The following HUWE1 variants were observed in gnomAD, a reference collection of about 807,000 sequenced individuals.
HUWE1 encodes the protein HECT, UBA and WWE domain containing E3 ubiquitin protein ligase 1.
Under a neutral mutation model 299.4 loss-of-function variants are expected in HUWE1, and 18 were observed. The observed-to-expected ratio is 0.06, with a 90% CI of 0.04 to 0.09. HUWE1 has a LOEUF of 0.09. Among genes scored for constraint, HUWE1 ranks in the 10% least tolerant of loss-of-function variants. The pLI is 1.00. For synonymous variants in HUWE1, 1,317 were observed against 1,286.1 expected, an observed-to-expected ratio of 1.02 and a Z score of -0.51; for missense variants, 1,832 against 3,462.3, an observed-to-expected ratio of 0.53 and a Z score of 11.82.
Position 53,576,960 on chromosome X carries a change from T to G in HUWE1, c.5824A>C (p.Ile1942Leu). 3.3e-6 allele frequency: 4 copies of G among 1,206,741 alleles called. No homozygotes were observed. Among genetic ancestry groups the G allele is most frequent in the Non-Finnish European group, 4.5e-6 (4 of 891,051 alleles). The change falls in exon 44 of 84, where the codon ATC becomes CTC. Residue 1942 changes from isoleucine to leucine, a missense_variant. Ile to Leu is a conservative substitution (Grantham distance 5). Around this residue, in one of 15 missense-constraint regions of HUWE1, gnomAD observed 157 missense variants for 252.3 expected, o/e 0.62. Transcript: ENST00000262854. ...AGCATATCATAGATCACTTCCTTGA[T>G]AGTATCAGGGATGACAGGCAGAGGT... ...PSPLPVIPDT[I>L]KEVIYDMLNA...
chrX:53,584,295 C>T lies in HUWE1; in HGVS notation c.5052G>A (p.Arg1684=). ...TTGAATTTTTATTCAGCCGAGGTAC[C>T]CTGAGGAGAGTCAGCATCACAGGGC... ...NRRPVMLTLL[R]VPRLNKNSKN... Residue 1684 remains arginine, a synonymous_variant, in exon 41 of 84, where the codon AGG becomes AGA. Coordinates refer to ENST00000262854, the MANE Select transcript of HUWE1 (RefSeq NM_031407.7). 1 of 1,207,090 alleles carries T rather than the reference C, an allele frequency of 8.3e-7. No individual in the cohort carries two copies. The highest frequency in any genetic ancestry group is 1.1e-6 in the Non-Finnish European group (1 of 891,619).
At chrX:53,644,835 G>C (rs2067860314) in intron 7 of HUWE1, among the ~76,000 whole-genome samples, 1 of 111,862 alleles carries the variant, frequency 8.9e-6, no homozygotes, top group Non-Finnish European at 1.9e-5. Context: ...ACTTTTATAT[G>C]AGAGCTTCTG....
chrX:53,555,636 C>CTTTT (rs1175050260), intron 60 of HUWE1, among the ~76,000 whole-genome samples: 4 of 75,265 alleles, frequency 5.3e-5, no homozygotes, highest in African/African-American at 1.5e-4. Flanking sequence ...CCTTCAAAAT[C>CTTTT]TTTTTTTTTT....
At chrX:53,661,544 T>C (rs1240563345) in intron 3 of HUWE1, among the ~76,000 whole-genome samples, 1 of 111,637 alleles carries the variant, frequency 9.0e-6, no homozygotes, top group Non-Finnish European at 1.9e-5. Context: ...CTCTTAGAAG[T>C]TAATCAGGTG....
chrX:53,539,543 AT>A (rs2061246005), intron 75 of HUWE1, 113 bp downstream of exon 75: 1 of 711,697 alleles, frequency 1.4e-6, no homozygotes, highest in Admixed American at 2.6e-5. Flanking sequence ...TTGAATTCTC[AT>A]TACAGAGACA....
At position 53,586,897 on chromosome X, in the gene HUWE1, G is replaced by A. The variant is rs1556973828; in HGVS notation, c.4627C>T (p.Pro1543Ser). 1.7e-6 allele frequency: 2 copies of A among 1,209,207 alleles called. No homozygotes were observed. Among genetic ancestry groups the A allele is most frequent in the Non-Finnish European group, 2.2e-6 (2 of 894,817 alleles). Residue 1543 changes from proline to serine, a missense_variant, in exon 38 of 84, where the codon CCT (proline) becomes TCT (serine). Pro to Ser is a moderately conservative substitution (Grantham distance 74). Around this residue, in one of 15 missense-constraint regions of HUWE1, gnomAD observed 658 missense variants for 1,282.6 expected, o/e 0.51. Coordinates refer to ENST00000262854, the MANE Select transcript of HUWE1 (RefSeq NM_031407.7). ...LTLLFEELKL[P>S]CAWVVESSGI... The stretch of plus-strand genomic sequence containing the variant: ...CTTGATTCAACCACCCAAGCACAAG[G>A]TAGCTTCAACTCCTGATAGATCAAA...
intron 17 of HUWE1, chrX:53,625,859 G>GGGGCCGGGGCCGGGGCCA (rs2066460418): frequency 1.0e-5 from 2 of 192,359 alleles, no homozygotes; most frequent in Non-Finnish European, 2.1e-5. Context: ...GGCCAGGGCC[G>GGGGCCGGGGCCGGGGCCA]GGGCCGGGGC....
chrX:53,674,909 T>C (rs1286293770), intron 3 of HUWE1, among the ~76,000 whole-genome samples: 2 of 112,119 alleles, frequency 1.8e-5, no homozygotes, highest in South Asian at 3.7e-4. Context: ...CCAAGTAACA[T>C]AGCTACTAAG....
At chrX:53,667,314 A>G (rs2149488035) in intron 3 of HUWE1, among the ~76,000 whole-genome samples, 1 of 112,350 alleles carries the variant, frequency 8.9e-6, no homozygotes, top group East Asian at 2.8e-4. Flanking sequence ...AAATATATAC[A>G]GTTGCTCTTC....
chrX:53,566,133 G>GTGTGTGTGTGTA (rs782815282), intron 49 of HUWE1, among the ~76,000 whole-genome samples: 1 of 38,989 alleles, frequency 2.6e-5, no homozygotes, highest in African/African-American at 9.7e-5. Context: ...GTGTGTGTGT[G>GTGTGTGTGTGTA]TATATATATA....
chrX:53,558,387 T>C (rs1467970807), intron 59 of HUWE1, among the ~76,000 whole-genome samples: 1 of 111,844 alleles, frequency 8.9e-6, no homozygotes, highest in Non-Finnish European at 1.9e-5. Flanking sequence ...TCCTTGGCGG[T>C]AGAGACTATG....
rs41307640 is a variant in HUWE1, at chrX:53,627,451, T to C, written c.1448A>G (p.Asn483Ser). ...CATTTCCTCTCCTTCTTGTGTAGTA[T>C]TGGGTCTCTGGATCTTTGGCTTGAT... ...FVIKPKIQRP[N>S]TTQEGEEMET... The change falls in exon 17 of 84, where the codon AAT (asparagine) becomes AGT (serine). Residue 483 changes from asparagine (N) to serine (S), a missense_variant. Asn to Ser is a conservative substitution (Grantham distance 46). Coordinates refer to ENST00000262854, the MANE Select transcript of HUWE1 (RefSeq NM_031407.7). 0.024 allele frequency: 28,204 copies of C among 1,197,201 alleles called. 320 individuals are homozygous for C. The highest frequency in any genetic ancestry group is 0.027 in the Non-Finnish European group (23,924 of 884,857).
intron 52 of HUWE1, among the ~76,000 whole-genome samples, chrX:53,563,440 C>T: frequency 9.0e-6 from 1 of 111,174 alleles, no homozygotes; most frequent in Non-Finnish European, 1.9e-5. Context: ...AAAGGCAGCG[C>T]TTTCTCACCC....
intron 9 of HUWE1, chrX:53,632,153 G>C: frequency 3.0e-6 from 1 of 332,245 alleles, no homozygotes; most frequent in Admixed American, 4.4e-5. Context: ...ACTTTTGCAG[G>C]CTTCCTAATT....
chrX:53,660,618 G>A (rs1198529459), intron 3 of HUWE1, among the ~76,000 whole-genome samples: 1 of 111,979 alleles, frequency 8.9e-6, no homozygotes, highest in Non-Finnish European at 1.9e-5. Flanking sequence ...TCCCCAAAGT[G>A]TGTTAGAATG....
chrX:53,623,330 G>C (rs2066264532), intron 19 of HUWE1, among the ~76,000 whole-genome samples: 1 of 110,634 alleles, frequency 9.0e-6, no homozygotes, highest in Admixed American at 9.6e-5. Flanking sequence ...CCCTGCCCCT[G>C]GCCTTGAGAC....
Position 53,573,814 on chromosome X carries a change from A to G in HUWE1, c.6248T>C (p.Val2083Ala), listed in dbSNP as rs1023045885. Residue 2083 changes from valine to alanine, a missense_variant, in exon 47 of 84, where the codon GTT becomes GCT. By Grantham distance (64) the Val-to-Ala change is moderately conservative (BLOSUM62 0). This residue lies in a region of HUWE1 where 157 missense variants were observed against 252.3 expected (regional missense o/e 0.62). Coordinates refer to ENST00000262854, the MANE Select transcript of HUWE1 (RefSeq NM_031407.7). ...RLLAELVRSY[V>A]GIATLIANYS... is the part of the protein sequence containing the mutation. ...GTTGGCAATCAGGGTAGCAATACCA[A>G]CATAGGACCTCACCAACTCTGCCAG... is the stretch of plus-strand genomic sequence containing the variant. The G allele has an allele frequency of 1.4e-5, 17 of 1,209,926 alleles. No homozygotes were observed. The highest frequency in any genetic ancestry group is 1.9e-5 in the Non-Finnish European group (17 of 894,728).
intron 25 of HUWE1, among the ~76,000 whole-genome samples, chrX:53,606,032 CG>C (rs1303298866): frequency 3.6e-5 from 4 of 111,624 alleles, no homozygotes; most frequent in African/African-American, 9.8e-5. Flanking sequence ...TGCAAAACAT[CG>C]GATTTGGCAA....
Position 53,559,064 on chromosome X carries a change from T to A in HUWE1, c.7916-4A>T, listed in dbSNP as rs1556938292. 1 of 1,150,347 alleles carries A rather than the reference T, an allele frequency of 8.7e-7. No homozygotes were observed. Among genetic ancestry groups the A allele is most frequent in the Non-Finnish European group, 1.2e-6 (1 of 856,582 alleles). The allele number at this position is 1,150,347 out of a possible 1,213,427, so 94.8% of individuals were successfully genotyped here. On this transcript the variant is annotated splice_region_variant and splice_polypyrimidine_tract_variant and intron_variant, in intron 57 of 83. Coordinates refer to ENST00000262854, the MANE Select transcript of HUWE1 (RefSeq NM_031407.7). ...GTGGGGATGCTGGACAGGGTTCCTGTAGGGACAGCAAAGGGGAATGAGATT... is the reference window on the plus strand; with the variant it reads ...GTGGGGATGCTGGACAGGGTTCCTGAAGGGACAGCAAAGGGGAATGAGATT...
Sources: allele counts gnomAD v4.1 joint callset (sites outside exome capture counted in the v4.1 genomes callset), GRCh38; gene constraint gnomAD v4.1.1; regional missense constraint gnomAD v4.1.1; transcripts MANE v1.5; gene names NCBI Gene and HGNC (gene_info 2026-07-23, HGNC 2026-07-21).